Variants in TBXAS1 observed in about 807,000 individuals in gnomAD.
The protein encoded by TBXAS1 is thromboxane A synthase 1, also known as thromboxane-A synthase.
TBXAS1 carries 48 observed loss-of-function variants against 60.7 expected under a neutral mutation model. The observed-to-expected ratio is 0.79, with a 90% CI of 0.63 to 1.01. TBXAS1 has a LOEUF of 1.01. Ranked by LOEUF, TBXAS1 falls within the 50% of genes least tolerant of loss-of-function variation. The pLI, the probability that TBXAS1 is intolerant of heterozygous loss-of-function variation, is 0.00. For missense variants in TBXAS1, 685 were observed against 686.3 expected, an observed-to-expected ratio of 1.00 and a Z score of 0.02; for synonymous variants, 287 against 269.7, an observed-to-expected ratio of 1.06 and a Z score of -0.63.
At chr7:139,890,720 C>T (rs908231909) in intron 3 of TBXAS1, among the ~76,000 whole-genome samples, 1 of 152,176 alleles carries the variant, frequency 6.6e-6, no homozygotes, top group Non-Finnish European at 1.5e-5. Flanking sequence ...CCAGTAATTA[C>T]TAATTACCTC....
chr7:139,963,808 G>A (rs1569520296), intron 9 of TBXAS1, among the ~76,000 whole-genome samples: 1 of 152,198 alleles, frequency 6.6e-6, no homozygotes, highest in Admixed American at 6.5e-5. Flanking sequence ...TAATTGAGCA[G>A]CTCAGGAATA....
Position 139,952,317 on chromosome 7 carries a change from A to G in TBXAS1, c.451-1051A>G, listed in dbSNP as rs144248015. Reference sequence around the variant, plus strand: ...TTCATTCACTTAACAAATAATTACTATGAGCCAGGCGCTGTTCTAGGTGCT... The same window carrying G: ...TTCATTCACTTAACAAATAATTACTGTGAGCCAGGCGCTGTTCTAGGTGCT... On this transcript the variant is annotated intron_variant, in intron 5 of 12. Transcript: ENST00000448866. Among the ~76,000 whole-genome samples, 161 of 152,356 alleles carry G rather than the reference A, an allele frequency of 1.1e-3. No individual in the cohort carries two copies. In the Middle Eastern group the frequency reaches 0.031, roughly 29 times the overall value.
intron 9 of TBXAS1, among the ~76,000 whole-genome samples, chr7:139,973,015 CAA>C (rs1330196449): frequency 5.3e-5 from 8 of 151,692 alleles, no homozygotes; most frequent in African/African-American, 2.4e-5. Flanking sequence ...TCGGTGGAGT[CAA>C]AGAGAGAAGG....
At chr7:139,986,630 G>A (rs1458526452) in intron 9 of TBXAS1, among the ~76,000 whole-genome samples, 3 of 150,284 alleles carry the variant, frequency 2.0e-5, no homozygotes, top group African/African-American at 7.4e-5. Context: ...CCATTCCTAA[G>A]TTACTTCACT....
chr7:140,015,761 G>GGCAGCGCATCCCCGCAGGC lies in TBXAS1; in HGVS notation c.1268_1286dup (p.Val430AlafsTer18). ...GCAGCTCAGGACTGCGAGGTGCTGGGGCAGCGCATCCCCGCAGGCGCTGTG... is the reference window on the plus strand; with the variant it reads ...GCAGCTCAGGACTGCGAGGTGCTGGGGCAGCGCATCCCCGCAGGCGCAGCGCATCCCCGCAGGCGCTGTG... On this transcript the variant is annotated frameshift_variant, in exon 11 of 13. Transcript: ENST00000448866. LOFTEE classifies it high-confidence loss of function. The GGCAGCGCATCCCCGCAGGC allele has an allele frequency of 6.2e-7, 1 of 1,613,558 alleles. No individual in the cohort carries two copies. Among genetic ancestry groups the GGCAGCGCATCCCCGCAGGC allele is most frequent in the Non-Finnish European group, 8.5e-7 (1 of 1,180,038 alleles).
chr7:139,840,238 A>T (rs891963608), intron 1 of TBXAS1, among the ~76,000 whole-genome samples: 1 of 152,094 alleles, frequency 6.6e-6, no homozygotes, highest in African/African-American at 2.4e-5. Flanking sequence ...CACCATTGGG[A>T]TGGAATATGG....
chr7:139,871,589 G>A (rs967220767), intron 1 of TBXAS1, among the ~76,000 whole-genome samples: 4 of 152,134 alleles, frequency 2.6e-5, no homozygotes, highest in Admixed American at 2.0e-4. Context: ...GAAATCTGTC[G>A]GACCACGCTT....
chr7:139,789,067 C>T (rs73475958), intron 4 of TBXAS1, among the ~76,000 whole-genome samples: 1 of 152,152 alleles, frequency 6.6e-6, no homozygotes, highest in East Asian at 1.9e-4. Context: ...TGACACCCAC[C>T]AGTCTGGTAA....
intron 5 of TBXAS1, among the ~76,000 whole-genome samples, chr7:139,939,670 G>A (rs1170817933): frequency 6.6e-6 from 1 of 151,846 alleles, no homozygotes; most frequent in East Asian, 1.9e-4. Flanking sequence ...AGGTGGGAGG[G>A]GGAAGAAAGA....
chr7:139,964,862 C>T (rs1373186915), intron 9 of TBXAS1, among the ~76,000 whole-genome samples: 3 of 152,188 alleles, frequency 2.0e-5, no homozygotes, highest in Non-Finnish European at 4.4e-5. Flanking sequence ...GGAGTCTGTC[C>T]CACCAGCTAT....
At chr7:139,962,890 G>T (rs186877104) in intron 9 of TBXAS1, 7 of 153,134 alleles carry the variant, frequency 4.6e-5, no homozygotes, top group Admixed American at 4.5e-4. Flanking sequence ...AGTTGTCAAA[G>T]AGATTCATTT....
intron 3 of TBXAS1, among the ~76,000 whole-genome samples, chr7:139,889,069 G>A (rs569666823): frequency 7.9e-5 from 12 of 152,146 alleles, no homozygotes; most frequent in East Asian, 7.7e-4. Flanking sequence ...GTGGTGACTC[G>A]TGCCTGTAAT....
intron 4 of TBXAS1, among the ~76,000 whole-genome samples, 186 bp from the exon 5 acceptor site, chr7:139,936,005 C>T (rs539412947): frequency 5.3e-5 from 8 of 152,334 alleles, no homozygotes; most frequent in African/African-American, 1.2e-4. Flanking sequence ...CTCTGGGCCC[C>T]GCCATGATTC....
intron 3 of TBXAS1, among the ~76,000 whole-genome samples, chr7:139,907,976 T>C (rs1424660914): frequency 6.6e-6 from 1 of 152,034 alleles, no homozygotes. Context: ...CTTATCCTTT[T>C]AGTAGCTGCA....
intron 4 of TBXAS1, among the ~76,000 whole-genome samples, chr7:139,805,703 TTTC>T (rs1166482942): frequency 1.4e-3 from 48 of 33,814 alleles, no homozygotes; most frequent in Admixed American, 0.013. Flanking sequence ...TCTTTCTTTC[TTTC>T]TTTCTTTCTC....
At chr7:139,968,248 T>C (rs1810936335) in intron 9 of TBXAS1, among the ~76,000 whole-genome samples, 1 of 152,212 alleles carries the variant, frequency 6.6e-6, no homozygotes, top group East Asian at 1.9e-4. Context: ...AGATTTTGGT[T>C]CCAGCTTCTA....
At chr7:139,869,451 A>C (rs1402630067) in intron 1 of TBXAS1, among the ~76,000 whole-genome samples, 1 of 152,022 alleles carries the variant, frequency 6.6e-6, no homozygotes, top group Admixed American at 6.6e-5. Context: ...GCAGTGGTAC[A>C]ATCTTGGCTC....
intron 4 of TBXAS1, among the ~76,000 whole-genome samples, chr7:139,921,674 G>T (rs991804474): frequency 3.3e-5 from 5 of 152,246 alleles, no homozygotes; most frequent in Admixed American, 3.3e-4. Flanking sequence ...CTGCACTGCA[G>T]CCTGGGGACA....
intron 9 of TBXAS1, among the ~76,000 whole-genome samples, chr7:139,984,932 GAAAGAAAGAAAAGA>G (rs1268496448): frequency 3.8e-5 from 3 of 79,628 alleles, no homozygotes; most frequent in Admixed American, 1.6e-4. Flanking sequence ...AGGAAAGAAA[GAAAGAAAGAAAAGA>G]AAAGAAAGAA....
Sources: allele counts gnomAD v4.1 joint callset (sites outside exome capture counted in the v4.1 genomes callset), GRCh38; gene constraint gnomAD v4.1.1; transcripts MANE v1.5; gene names NCBI Gene and HGNC (gene_info 2026-07-23, HGNC 2026-07-21).